SCTR: variants seen among roughly 807,000 people sequenced by gnomAD.
SCTR encodes secretin receptor.
Under a neutral mutation model 60.8 loss-of-function variants are expected in SCTR, and 56 were observed. The ratio of observed to expected loss-of-function variants is 0.92; its 90% CI spans 0.74 to 1.15. SCTR has a LOEUF of 1.15. Ranked by LOEUF, SCTR falls within the 50% of genes most tolerant of loss-of-function variation. The pLI, the probability that SCTR is intolerant of heterozygous loss-of-function variation, is 0.00. For missense variants in SCTR, 562 were observed against 550.4 expected, an observed-to-expected ratio of 1.02 and a Z score of -0.21; for synonymous variants, 202 against 217.0, an observed-to-expected ratio of 0.93 and a Z score of 0.61.
chr2:119,482,800 A>G (rs1173358708), intron 2 of SCTR, among the ~76,000 whole-genome samples: 1 of 151,752 alleles, frequency 6.6e-6, no homozygotes, highest in Non-Finnish European at 1.5e-5. Flanking sequence ...CGGACAGCCC[A>G]CTCTGTGTCT....
intron 1 of SCTR, among the ~76,000 whole-genome samples, chr2:119,504,221 C>A (rs575807308): frequency 5.3e-5 from 8 of 152,270 alleles, no homozygotes; most frequent in Non-Finnish European, 1.0e-4. Flanking sequence ...ATAAAATGAA[C>A]CTTGAGCTCA....
intron 4 of SCTR, among the ~76,000 whole-genome samples, chr2:119,470,363 G>C (rs987559519): frequency 6.6e-6 from 1 of 152,136 alleles, no homozygotes; most frequent in Non-Finnish European, 1.5e-5. Flanking sequence ...GAAATAGGAT[G>C]GTTTAAATCT....
chr2:119,502,640 C>A (rs1040699208), intron 1 of SCTR, among the ~76,000 whole-genome samples: 2 of 151,746 alleles, frequency 1.3e-5, no homozygotes, highest in African/African-American at 4.8e-5. Context: ...TTCTATAGGT[C>A]AATGGATAAA....
At chr2:119,463,344 A>G (rs1056273067) in intron 6 of SCTR, among the ~76,000 whole-genome samples, 1 of 152,180 alleles carries the variant, frequency 6.6e-6, no homozygotes, top group Admixed American at 6.5e-5. Context: ...AGATAAAAAA[A>G]TGTTTAACGT....
At chr2:119,488,274 C>T (rs11898294) in intron 2 of SCTR, among the ~76,000 whole-genome samples, 3,315 of 152,342 alleles carry the variant, frequency 0.022, 118 homozygotes, top group African/African-American at 0.076. Context: ...CCCACCTGCA[C>T]GCTGGCCCTC....
intron 7 of SCTR, among the ~76,000 whole-genome samples, chr2:119,455,033 G>T (rs1283622233): frequency 1.8e-5 from 1 of 56,422 alleles, no homozygotes; most frequent in Non-Finnish European, 4.9e-5. Flanking sequence ...GTATGGCTCA[G>T]ATTCTTTTTT....
intron 7 of SCTR, among the ~76,000 whole-genome samples, chr2:119,460,934 A>G (rs1683579116): frequency 6.6e-6 from 1 of 152,144 alleles, no homozygotes; most frequent in Non-Finnish European, 1.5e-5. Context: ...GCACCTCAGA[A>G]TATTTGCTAA....
intron 1 of SCTR, among the ~76,000 whole-genome samples, chr2:119,506,662 G>A (rs1678749417): frequency 1.3e-5 from 2 of 151,914 alleles, no homozygotes; most frequent in African/African-American, 4.8e-5. Flanking sequence ...AATACTTTTT[G>A]TAGAAATGGG....
chr2:119,472,514 C>T (rs1404089961), intron 4 of SCTR, among the ~76,000 whole-genome samples: 1 of 152,222 alleles, frequency 6.6e-6, no homozygotes, highest in Non-Finnish European at 1.5e-5. Context: ...CAGAGGAAGC[C>T]TCTGGAGGTC....
intron 4 of SCTR, 111 bp downstream of exon 4, chr2:119,473,342 C>G: frequency 1.4e-6 from 1 of 705,036 alleles, no homozygotes; most frequent in Non-Finnish European, 2.5e-6. Flanking sequence ...ATCCTGACCA[C>G]TGTCCCAGGC....
At chr2:119,482,199 GGGTA>G (rs1283385831) in intron 2 of SCTR, among the ~76,000 whole-genome samples, 1 of 152,194 alleles carries the variant, frequency 6.6e-6, no homozygotes, top group Non-Finnish European at 1.5e-5. Context: ...GGGACAGAAG[GGGTA>G]GGGAACGGTA....
intron 1 of SCTR, among the ~76,000 whole-genome samples, chr2:119,500,158 C>T (rs1678491068): frequency 1.3e-5 from 2 of 150,482 alleles, no homozygotes; most frequent in South Asian, 4.2e-4. Context: ...CAGTATTTCA[C>T]CCCAGTTAGG....
At position 119,461,905 on chromosome 2, in the gene SCTR, G is replaced by A. The variant is rs756266463; in HGVS notation, c.732C>T (p.Leu244=). The A allele has an allele frequency of 1.7e-5, 27 of 1,613,818 alleles. No homozygotes were observed. The highest frequency in any genetic ancestry group is 6.7e-5 in the East Asian group (3 of 44,882). The change falls in exon 7 of 13, where the codon CTC becomes CTT. Residue 244 remains leucine (L), a synonymous_variant. Coordinates refer to ENST00000019103, the MANE Select transcript of SCTR (RefSeq NM_002980.3). ...TTCTTTCAGAGAAGAAGGAGATGGC[G>A]AGGAGTGTGTGAAGGTAGAGGCCTT... The part of the protein sequence containing the change: ...LVEGLYLHTL[L]AISFFSERKY...
chr2:119,446,636 C>A, intron 11 of SCTR, 123 bp downstream of exon 11: 1 of 971,054 alleles, frequency 1.0e-6, no homozygotes, highest in Non-Finnish European at 1.4e-6. Context: ...AGGTCCGACC[C>A]CTTCTTCCCC....
At chr2:119,451,775 G>A (rs1036257237) in intron 9 of SCTR, among the ~76,000 whole-genome samples, 15 of 152,192 alleles carry the variant, frequency 9.9e-5, no homozygotes, top group Admixed American at 2.0e-4. Context: ...CTGCTTGTGG[G>A]AAAGAACCAG....
chr2:119,441,872 G>C (rs1375490519), intron 11 of SCTR, among the ~76,000 whole-genome samples: 1 of 152,166 alleles, frequency 6.6e-6, no homozygotes, highest in East Asian at 1.9e-4. Context: ...TGCTAACCCA[G>C]CCAGCCGGGA....
At chr2:119,522,466 G>A (rs1277980734) in intron 1 of SCTR, among the ~76,000 whole-genome samples, 1 of 152,062 alleles carries the variant, frequency 6.6e-6, no homozygotes, top group African/African-American at 2.4e-5. Flanking sequence ...TGCTGATCTC[G>A]GGCAGCTCCC....
In SCTR at chr2:119,512,282, C is replaced by T. The variant is rs190729514; in HGVS notation, c.72+11873G>A. Among the ~76,000 whole-genome samples, 241 of 151,886 alleles carry T rather than the reference C, an allele frequency of 1.6e-3. 2 individuals carry two copies. Among genetic ancestry groups the T allele is most frequent in the African/African-American group, 5.5e-3 (229 of 41,412 alleles). On this transcript the variant is annotated intron_variant, in intron 1 of 12. Transcript: ENST00000019103. ...TTTCTCTACTATTCTACCATTTTGTCTTCGTGATCTTCTTCCTCTTCCTCT... is the reference window on the plus strand; with the variant it reads ...TTTCTCTACTATTCTACCATTTTGTTTTCGTGATCTTCTTCCTCTTCCTCT...
intron 6 of SCTR, 50 bp downstream of exon 6, chr2:119,464,072 TG>T: frequency 1.2e-6 from 2 of 1,603,418 alleles, no homozygotes; most frequent in Admixed American, 1.7e-5. Flanking sequence ...AAAGCTAGGC[TG>T]GGGAAGGCAG....
Sources: allele counts gnomAD v4.1 joint callset (sites outside exome capture counted in the v4.1 genomes callset), GRCh38; gene constraint gnomAD v4.1.1; transcripts MANE v1.5; gene names NCBI Gene and HGNC (gene_info 2026-07-23, HGNC 2026-07-21).